PTPRN2: variants seen among roughly 807,000 people sequenced by gnomAD.
The protein encoded by PTPRN2 is protein tyrosine phosphatase receptor type N2.
PTPRN2 carries 74 observed loss-of-function variants against 118.8 expected under a neutral mutation model. The ratio of observed to expected loss-of-function variants is 0.62; its 90% CI spans 0.52 to 0.76. The LOEUF is 0.76. Among genes scored for constraint, PTPRN2 ranks in the 30% least tolerant of loss-of-function variants. The probability of loss-of-function intolerance (pLI) is 0.00; values close to 1 mark genes in which losing one functional copy is unlikely to be tolerated. For synonymous variants in PTPRN2, 641 were observed against 608.0 expected (o/e 1.05, Z -0.80); for missense variants, 1,481 against 1,394.4 (o/e 1.06, Z -0.99).
At chr7:158,204,852 A>C (rs947240867) in intron 4 of PTPRN2, among the ~76,000 whole-genome samples, 2 of 152,224 alleles carry the variant, frequency 1.3e-5, no homozygotes, top group African/African-American at 4.8e-5. Context: ...TAAAGCAAAA[A>C]TAATTTCTTA....
intron 3 of PTPRN2, among the ~76,000 whole-genome samples, chr7:158,228,986 C>T (rs1276603393): frequency 6.6e-6 from 1 of 152,156 alleles, no homozygotes; most frequent in Non-Finnish European, 1.5e-5. Context: ...TGGCTGCTCA[C>T]AGCACCACCC....
chr7:157,614,032 C>T (rs745776141), intron 15 of PTPRN2: 2 of 471,402 alleles, frequency 4.2e-6, no homozygotes, highest in South Asian at 3.1e-5. Context: ...CAACGGGATG[C>T]CTTGGAAAGC....
chr7:158,277,281 G>A (rs1478918489), intron 3 of PTPRN2, among the ~76,000 whole-genome samples: 3 of 152,206 alleles, frequency 2.0e-5, no homozygotes, highest in Non-Finnish European at 4.4e-5. Context: ...TCGGGGTCCT[G>A]CCCACTCTGT....
intron 2 of PTPRN2, among the ~76,000 whole-genome samples, chr7:158,381,624 T>C (rs1412528871): frequency 6.6e-6 from 1 of 152,202 alleles, no homozygotes; most frequent in Non-Finnish European, 1.5e-5. Flanking sequence ...CCCTGCCTGT[T>C]ACCCAGGTCC....
chr7:157,549,834 G>A (rs1798505804), intron 21 of PTPRN2, among the ~76,000 whole-genome samples: 1 of 152,204 alleles, frequency 6.6e-6, no homozygotes, highest in South Asian at 2.1e-4. Context: ...TGAGGAGCAG[G>A]AGGCAGCTCC....
At position 157,667,589 on chromosome 7, in the gene PTPRN2, C is replaced by G. The variant is rs1399079167; in HGVS notation, c.2002-11038G>C. Among the ~76,000 whole-genome samples the G allele has an allele frequency of 2.0e-5, 3 of 152,246 alleles. No homozygotes were observed. The East Asian group carries it at 5.8e-4, about 29-fold the overall frequency. On this transcript the variant is annotated intron_variant, in intron 13 of 22. Coordinates refer to ENST00000389418, the MANE Select transcript of PTPRN2 (RefSeq NM_002847.5). ...TGGATGACCCTCTGGCCACTCTGTCCTGCTGATGAGACCCTCTCCCTGCCT... is the reference window on the plus strand; with the variant it reads ...TGGATGACCCTCTGGCCACTCTGTCGTGCTGATGAGACCCTCTCCCTGCCT...
At chr7:157,649,084 T>C (rs1245704372) in intron 14 of PTPRN2, among the ~76,000 whole-genome samples, 22 of 90,790 alleles carry the variant, frequency 2.4e-4, no homozygotes, top group South Asian at 4.8e-4. Context: ...TCAGACCCAT[T>C]CACTGTGCAC....
In PTPRN2 at chr7:157,929,548, A is replaced by G. The variant is rs995140024; in HGVS notation, c.1724-30811T>C. ...AGGCTGGTCATAGTTTTTGCCCTGG[A>G]ATTCCCCTCCTTTTACCACATTTGC... On this transcript the variant is annotated intron_variant, in intron 11 of 22. Coordinates refer to ENST00000389418, the MANE Select transcript of PTPRN2 (RefSeq NM_002847.5). The surrounding 1 kb of genome is among the most constrained non-coding windows in gnomAD (Gnocchi z 4.4). 1.3e-5 allele frequency among the ~76,000 whole-genome samples: 2 copies of G among 152,002 alleles called. No individual in the cohort carries two copies. Among genetic ancestry groups the G allele is most frequent in the African/African-American group, 4.8e-5 (2 of 41,382 alleles).
chr7:158,425,615 A>G (rs1321326543), intron 2 of PTPRN2, among the ~76,000 whole-genome samples: 92 of 110,980 alleles, frequency 8.3e-4, no homozygotes, highest in South Asian at 1.8e-3. Context: ...AAAGACCCAG[A>G]GTCCGAGTCC....
chr7:157,650,481 C>A (rs1308583475), intron 14 of PTPRN2, among the ~76,000 whole-genome samples: 2 of 152,262 alleles, frequency 1.3e-5, no homozygotes, highest in Non-Finnish European at 2.9e-5. Flanking sequence ...GCAGGCCCCA[C>A]AAAGCTGGAG....
At chr7:158,035,096 T>C (rs1807998255) in intron 11 of PTPRN2, among the ~76,000 whole-genome samples, 1 of 152,230 alleles carries the variant, frequency 6.6e-6, no homozygotes, top group African/African-American at 2.4e-5. Context: ...AATTTGAAAT[T>C]GTACTGCCCA....
intron 11 of PTPRN2, among the ~76,000 whole-genome samples, chr7:158,052,876 G>C (rs1428859999): frequency 6.6e-6 from 1 of 152,208 alleles, no homozygotes; most frequent in East Asian, 1.9e-4. Flanking sequence ...CACCCAGGCT[G>C]TCCCCAGCCT....
At chr7:158,584,932 G>A (rs762731529) in intron 1 of PTPRN2, among the ~76,000 whole-genome samples, 1 of 152,214 alleles carries the variant, frequency 6.6e-6, no homozygotes, top group Admixed American at 6.5e-5. Flanking sequence ...GCTGTTTGAC[G>A]TAACAGAGGA....
rs115622862 is a variant in PTPRN2, at chr7:157,671,445, G to A, written c.2001+11280C>T. 9.4e-3 allele frequency among the ~76,000 whole-genome samples: 1,431 copies of A among 152,250 alleles called. 27 individuals are homozygous for A. The highest frequency in any genetic ancestry group is 0.032 in the African/African-American group (1,335 of 41,556). On this transcript the variant is annotated intron_variant, in intron 13 of 22. Transcript: ENST00000389418. This position sits in a 1 kb window ranked among gnomAD's most constrained non-coding sequence, Gnocchi z 4.1. ...TGTTCGGGATGGGACGGGCCACCCC[G>A]GGCTGAGATGGAAGCTCAGGGGACG...
chr7:158,065,006 A>G (rs536847751), intron 11 of PTPRN2, among the ~76,000 whole-genome samples: 1 of 152,366 alleles, frequency 6.6e-6, no homozygotes, highest in Admixed American at 6.5e-5. Flanking sequence ...CAAGTAATCC[A>G]GGGGAAGAAA....
intron 1 of PTPRN2, among the ~76,000 whole-genome samples, chr7:158,528,630 C>CAA (rs61207351): frequency 1.5e-5 from 2 of 135,302 alleles, no homozygotes. Flanking sequence ...ACTAAAAATA[C>CAA]AAAAAAAAAA....
rs371350545 is a variant in PTPRN2 at position 158,078,659 on chromosome 7, C to T, written c.1723+2639G>A. On this transcript the variant is annotated intron_variant, in intron 11 of 22. Transcript: ENST00000389418. The stretch of plus-strand genomic sequence containing the variant: ...CCAGTCACCGTGCTAAGCGCTCTCC[C>T]GAGGCTGATGGGCCAGTCACTGTGC... Among the ~76,000 whole-genome samples the T allele has an allele frequency of 2.2e-4, 34 of 152,158 alleles. No individual in the cohort carries two copies. The East Asian group carries it at 3.9e-3, about 17-fold the overall frequency.
chr7:158,037,028 C>T (rs1321380842), intron 11 of PTPRN2, among the ~76,000 whole-genome samples: 1 of 152,152 alleles, frequency 6.6e-6, no homozygotes, highest in Non-Finnish European at 1.5e-5. Context: ...TATAAGATTC[C>T]TTCAAAGATA....
In PTPRN2 at chr7:158,175,405, G is replaced by A. The variant is rs137902222; in HGVS notation, c.550-8114C>T. 5.7e-3 allele frequency among the ~76,000 whole-genome samples: 866 copies of A among 152,222 alleles called. 8 individuals are homozygous for A. The highest frequency in any genetic ancestry group is 0.02 in the African/African-American group (817 of 41,532). The stretch of plus-strand genomic sequence containing the variant: ...GACTTCACTGTGCCTTTCTGTCTCG[G>A]GCCTTAGAGAGGTGATTCTGGCAGC... On this transcript the variant is annotated intron_variant, in intron 5 of 22. Coordinates refer to ENST00000389418, the MANE Select transcript of PTPRN2 (RefSeq NM_002847.5).
Sources: allele counts gnomAD v4.1 joint callset (sites outside exome capture counted in the v4.1 genomes callset), GRCh38; gene constraint gnomAD v4.1.1; non-coding constraint Gnocchi (gnomAD v3.1); transcripts MANE v1.5; gene names NCBI Gene and HGNC (gene_info 2026-07-23, HGNC 2026-07-21).